Variants in RAB36 observed in about 807,000 individuals in gnomAD.
RAB36 encodes ras-related protein Rab-36.
Under a neutral mutation model 39.3 loss-of-function variants are expected in RAB36, and 33 were observed. The ratio of observed to expected loss-of-function variants is 0.84; its 90% confidence interval spans 0.64 to 1.12. The LOEUF is 1.12. Among genes scored for constraint, RAB36 ranks in the 50% most tolerant of loss-of-function variants. The pLI, the probability that RAB36 is intolerant of heterozygous loss-of-function variation, is 0.00. For synonymous variants in RAB36, 133 were observed against 140.2 expected, an observed-to-expected ratio of 0.95 and a Z score of 0.36; for missense variants, 308 against 355.3, an observed-to-expected ratio of 0.87 and a Z score of 1.07.
chr22:23,156,145 G>C (rs1569212969), intron 6 of RAB36, 113 bp downstream of exon 6: 1 of 882,770 alleles, frequency 1.1e-6, no homozygotes, highest in Non-Finnish European at 1.7e-6. Context: ...TGTCCTCCAA[G>C]ACCCACTGAG....
Position 23,158,943 on chromosome 22 carries a change from C to T in RAB36, c.492C>T (p.Cys164=), listed in dbSNP as rs536418305. 2.5e-6 allele frequency: 4 copies of T among 1,614,200 alleles called. No individual in the cohort carries two copies. Among genetic ancestry groups the T allele is most frequent in the South Asian group, 1.1e-5 (1 of 91,084 alleles). The change falls in exon 8 of 11, where the codon TGC becomes TGT. Residue 164 remains cysteine (C), a synonymous_variant. Coordinates refer to ENST00000263116, the MANE Select transcript of RAB36 (RefSeq NM_004914.5). ...TGAGGGAGAACGAGGCAGGCTCCTG[C>T]TTCATCTTCCTCGTGGGAACCAAGA... The part of the protein sequence containing the change: ...DALRENEAGS[C]FIFLVGTKKD...
In RAB36 at chr22:23,153,420, C is replaced by T. The variant is rs1381114663; in HGVS notation, c.329+286C>T. ...TGCCCACCCCACTCCTCTTGAGGCCCTGGCTCCAGTCCCTCCCTGACCTAG... is the reference window on the plus strand; with the variant it reads ...TGCCCACCCCACTCCTCTTGAGGCCTTGGCTCCAGTCCCTCCCTGACCTAG... On this transcript the variant is annotated intron_variant, in intron 5 of 10. Transcript: ENST00000263116. 9.8e-6 allele frequency: 3 copies of T among 306,814 alleles called. No individual in the cohort carries two copies. The East Asian group carries it at 5.2e-4, about 53-fold the overall frequency. 19.0% of individuals were successfully genotyped at this position (306,814 alleles called of 1,614,324 possible).
At chr22:23,159,006 G>C in intron 8 of RAB36, 27 bp downstream of exon 8, 1 of 1,610,572 alleles carries the variant, frequency 6.2e-7, no homozygotes, top group Non-Finnish European at 8.5e-7. Flanking sequence ...TGGTGGTCTG[G>C]GTGGCCCTTG....
intron 9 of RAB36, among the ~76,000 whole-genome samples, chr22:23,159,544 C>T (rs113305443): frequency 3.3e-5 from 5 of 152,360 alleles, no homozygotes; most frequent in African/African-American, 9.6e-5. Flanking sequence ...AACCGGAGAA[C>T]CCCATAACTA....
chr22:23,151,493 T>C (rs1263874159), intron 3 of RAB36, among the ~76,000 whole-genome samples: 3 of 152,226 alleles, frequency 2.0e-5, no homozygotes, highest in Non-Finnish European at 4.4e-5. Flanking sequence ...TCTTGCTGTC[T>C]GCAGGCAGAG....
At chr22:23,150,297 T>A in intron 3 of RAB36, 143 bp downstream of exon 3, 1 of 635,896 alleles carries the variant, frequency 1.6e-6, no homozygotes, top group Non-Finnish European at 2.7e-6. Context: ...GGTTTTCTTT[T>A]TTTTTTCTTT....
chr22:23,164,986 C>T lies in RAB36; in HGVS notation c.*3422C>T, dbSNP rs369630691. On this transcript the variant is annotated 3_prime_UTR_variant, in exon 11 of 11. Transcript: ENST00000263116. ...TGCCAGACCCCTCTTCTGTGCCCAACGGCTGGGACACCCCTACTCCCAGAG... is the reference window on the plus strand; with the variant it reads ...TGCCAGACCCCTCTTCTGTGCCCAATGGCTGGGACACCCCTACTCCCAGAG... Among the ~76,000 whole-genome samples, 37 of 150,766 alleles carry T rather than the reference C, an allele frequency of 2.5e-4. No homozygotes were observed. Among genetic ancestry groups the T allele is most frequent in the Non-Finnish European group, 4.0e-4 (27 of 67,762 alleles).
Position 23,162,772 on chromosome 22 carries a change from C to T in RAB36, c.*1208C>T, listed in dbSNP as rs5759621. The T allele has an allele frequency of 0.53, 242,914 of 455,774 alleles. 66,128 individuals are homozygous for T. The highest frequency in any genetic ancestry group is 0.69 in the African/African-American group (34,509 of 50,088). The allele number at this position is 455,774 out of a possible 1,614,324, so 28.2% of individuals were successfully genotyped here. On this transcript the variant is annotated 3_prime_UTR_variant, in exon 11 of 11. Transcript: ENST00000263116. The stretch of plus-strand genomic sequence containing the variant: ...GCAGGCAGCCTTCTGATCAGTACTG[C>T]TCTCCTAGGGCCTGGCACACTGCAG...
In RAB36 at chr22:23,164,408, C is replaced by T. The variant is rs569534209; in HGVS notation, c.*2844C>T. ...ACTGACATAGTTGTGGCCTCTCGAACTTTGATATTTGGCCTGGGAGGACAG... is the reference window on the plus strand; with the variant it reads ...ACTGACATAGTTGTGGCCTCTCGAATTTTGATATTTGGCCTGGGAGGACAG... On this transcript the variant is annotated 3_prime_UTR_variant, in exon 11 of 11. Transcript: ENST00000263116. 2 of 152,346 alleles carry T rather than the reference C, an allele frequency of 1.3e-5. No homozygotes were observed. The highest frequency in any genetic ancestry group is 3.9e-4 in the East Asian group (2 of 5,188). The allele number at this position is 152,346 out of a possible 1,614,324, so 9.4% of individuals were successfully genotyped here. A position where few individuals can be genotyped will look rare whatever the true frequency, so the allele number is the denominator to read the frequency against.
rs539084192 is a variant in RAB36 at position 23,164,030 on chromosome 22, G to A, written c.*2466G>A. On this transcript the variant is annotated 3_prime_UTR_variant, in exon 11 of 11. Transcript: ENST00000263116. ...GCCATTCTTGTAGTTATAGCTTTGC[G>A]TACTCAGGAAGGCCCTTCTCCCGAC... 1.1e-4 allele frequency: 16 copies of A among 152,226 alleles called. No homozygotes were observed. Among genetic ancestry groups the A allele is most frequent in the Non-Finnish European group, 2.1e-4 (14 of 68,056 alleles). The allele number at this position is 152,226 out of a possible 1,614,324, so 9.4% of individuals were successfully genotyped here.
In RAB36 at chr22:23,161,120, G is replaced by T. The variant is rs2071760194; in HGVS notation, c.739+122G>T. 4 of 1,265,584 alleles carry T rather than the reference G, an allele frequency of 3.2e-6. No homozygotes were observed. The South Asian group carries it at 6.0e-5, about 19-fold the overall frequency. 78.4% of individuals were successfully genotyped at this position (1,265,584 alleles called of 1,614,324 possible). A position where few individuals can be genotyped will look rare whatever the true frequency, so the allele number is the denominator to read the frequency against. The stretch of plus-strand genomic sequence containing the variant: ...AACTTGTGGCCCTCTCCTGTCCTTT[G>T]ACCCTCCTCTCAGGGTGTCACTGCA... On this transcript the variant is annotated intron_variant, in intron 10 of 10. Coordinates refer to ENST00000263116, the MANE Select transcript of RAB36 (RefSeq NM_004914.5).
At position 23,150,131 on chromosome 22, in the gene RAB36, A is replaced by G. The variant is rs2071020408; in HGVS notation, c.138A>G (p.Gln46=). The G allele has an allele frequency of 1.2e-6, 2 of 1,612,326 alleles. No individual in the cohort carries two copies. The highest frequency in any genetic ancestry group is 1.7e-5 in the Admixed American group (1 of 59,834). ...ACGGGCAGGTCAGCGCTGCCTGCCA[A>G]CGCAGGAACACGGGGACTGTCGGGT... ...HFHGQVSAAC[Q]RRNTGTVGLK... is the part of the protein sequence containing the mutation. Residue 46 remains glutamine (Q), a synonymous_variant, in exon 3 of 11, where the codon CAA becomes CAG. Coordinates refer to ENST00000263116, the MANE Select transcript of RAB36 (RefSeq NM_004914.5).
chr22:23,157,745 C>T (rs1053166869), intron 6 of RAB36, among the ~76,000 whole-genome samples: 1 of 152,242 alleles, frequency 6.6e-6, no homozygotes, highest in Non-Finnish European at 1.5e-5. Flanking sequence ...GCTCGCTCCA[C>T]GCCTACCTTG....
chr22:23,159,018 G>A (rs751583279), intron 8 of RAB36, 39 bp downstream of exon 8: 1 of 1,604,320 alleles, frequency 6.2e-7, no homozygotes, highest in African/African-American at 1.3e-5. Flanking sequence ...TGGCCCTTGG[G>A]AAAATGCCTC....
chr22:23,162,356 C>G lies in RAB36; in HGVS notation c.*792C>G, dbSNP rs1301401468. 1 of 318,098 alleles carries G rather than the reference C, an allele frequency of 3.1e-6. No homozygotes were observed. Among genetic ancestry groups the G allele is most frequent in the Non-Finnish European group, 6.3e-6 (1 of 159,760 alleles). 19.7% of individuals were successfully genotyped at this position (318,098 alleles called of 1,614,324 possible). A position where few individuals can be genotyped will look rare whatever the true frequency, so the allele number is the denominator to read the frequency against. ...GTGCTGCGGGAGGCAGACTGCACAG[C>G]TGTCCTAGGGTAACTCACTCTGCAG... On this transcript the variant is annotated 3_prime_UTR_variant, in exon 11 of 11. Transcript: ENST00000263116.
chr22:23,159,946 A>G (rs2071680418), intron 9 of RAB36, among the ~76,000 whole-genome samples: 2 of 152,228 alleles, frequency 1.3e-5, no homozygotes, highest in African/African-American at 4.8e-5. Context: ...TAAATTACAA[A>G]AGCCAGGTGT....
At chr22:23,167,399 G>A (rs1005455296), downstream of RAB36, among the ~76,000 whole-genome samples, 4 of 152,238 alleles carry the variant, frequency 2.6e-5, no homozygotes, top group East Asian at 3.9e-4. Flanking sequence ...CACAGGGACC[G>A]GAGCAAGGCA....
At chr22:23,168,877 G>A (rs2072093521), downstream of RAB36, among the ~76,000 whole-genome samples, 1 of 152,186 alleles carries the variant, frequency 6.6e-6, no homozygotes, top group Admixed American at 6.5e-5. Context: ...ACCAGGTCTG[G>A]GCTCCCTCTT....
chr22:23,157,658 G>A (rs1317647250), intron 6 of RAB36, among the ~76,000 whole-genome samples: 2 of 152,202 alleles, frequency 1.3e-5, no homozygotes, highest in African/African-American at 4.8e-5. Flanking sequence ...GAAAACTGAG[G>A]CTCTCAGCAG....
Sources: allele counts gnomAD v4.1 joint callset (sites outside exome capture counted in the v4.1 genomes callset), GRCh38; gene constraint gnomAD v4.1.1; transcripts MANE v1.5; gene names NCBI Gene and HGNC (gene_info 2026-07-23, HGNC 2026-07-21).